The following CSMD2 variants were observed in gnomAD, a reference collection of about 807,000 sequenced individuals.
CSMD2 encodes CUB and sushi domain-containing protein 2.
CSMD2 carries 130 observed loss-of-function variants against 398.5 expected under a neutral mutation model. The observed-to-expected ratio is 0.33, with a 90% CI of 0.28 to 0.38. The LOEUF (loss-of-function observed/expected upper bound fraction) is 0.38. CSMD2 is among the 10% of genes least tolerant of loss of function. The pLI is 1.00. For synonymous variants in CSMD2, 1,828 were observed against 1,908.5 expected (o/e 0.96, Z 1.10); for missense variants, 3,829 against 4,764.9 (o/e 0.80, Z 5.78).
intron 22 of CSMD2, among the ~76,000 whole-genome samples, chr1:33,701,784 A>ATTT (rs1217670227): frequency 3.4e-4 from 52 of 152,384 alleles, no homozygotes; most frequent in Middle Eastern, 3.4e-3. Context: ...AAGTTCAAAG[A>ATTT]GTTTAGCTTA....
intron 1 of CSMD2, among the ~76,000 whole-genome samples, chr1:34,114,614 A>G (rs1571166706): frequency 6.6e-6 from 1 of 152,240 alleles, no homozygotes; most frequent in East Asian, 1.9e-4. Flanking sequence ...CAGGAGGATC[A>G]CTTAGGCCCA....
At chr1:34,111,716 C>A (rs954910657) in intron 1 of CSMD2, among the ~76,000 whole-genome samples, 1 of 152,194 alleles carries the variant, frequency 6.6e-6, no homozygotes, top group African/African-American at 2.4e-5. Flanking sequence ...ACACAGGATT[C>A]TCTGACTCCT....
At chr1:33,663,825 A>AT (rs201057859) in intron 25 of CSMD2, among the ~76,000 whole-genome samples, 4,415 of 152,236 alleles carry the variant, frequency 0.029, 208 homozygotes, top group African/African-American at 0.095. Context: ...CTGTTAATTA[A>AT]TTTTTTTTAT....
chr1:33,520,008 G>A, intron 68 of CSMD2, 58 bp from the exon 69 acceptor site: 2 of 1,597,230 alleles, frequency 1.3e-6, no homozygotes, highest in South Asian at 1.1e-5. Context: ...GGCTCCGTTG[G>A]CTACCCTCCC....
chr1:34,073,915 C>T (rs753065397), intron 2 of CSMD2, among the ~76,000 whole-genome samples: 6 of 152,130 alleles, frequency 3.9e-5, no homozygotes, highest in Non-Finnish European at 5.9e-5. Context: ...CCTGGGGAGG[C>T]CTCAGGAAAC....
intron 2 of CSMD2, among the ~76,000 whole-genome samples, chr1:34,041,942 C>T (rs1651894670): frequency 1.3e-5 from 2 of 152,200 alleles, no homozygotes; most frequent in East Asian, 1.9e-4. Context: ...CAAATATTTA[C>T]TGAGTGGCAA....
Position 33,716,455 on chromosome 1 carries a change from G to C in CSMD2, c.3048C>G (p.Asp1016Glu), listed in dbSNP as rs554464438. 1 of 1,613,996 alleles carries C rather than the reference G, an allele frequency of 6.2e-7. No individual in the cohort carries two copies. Among genetic ancestry groups the C allele is most frequent in the Non-Finnish European group, 8.5e-7 (1 of 1,180,022 alleles). Residue 1016 changes from aspartate (D) to glutamate (E), a missense_variant, in exon 20 of 71, where the codon GAC becomes GAG. By Grantham distance (45) the Asp-to-Glu change is conservative. Coordinates refer to ENST00000373381, the MANE Select transcript of CSMD2 (RefSeq NM_001281956.2). ...TGCCGTTCTCAGTGATGAGGAGGTA[G>C]TCATGGCCACTTTCCAGGTGGAAGG... ...FHTFHLESGH[D>E]YLLITENGSF...
intron 3 of CSMD2, among the ~76,000 whole-genome samples, chr1:33,942,660 A>G (rs913907704): frequency 1.3e-5 from 2 of 152,260 alleles, no homozygotes; most frequent in African/African-American, 4.8e-5. Flanking sequence ...CTGCTGAATC[A>G]TAACGTGAGA....
At chr1:33,827,188 C>T (rs1658927366) in intron 6 of CSMD2, among the ~76,000 whole-genome samples, 1 of 152,174 alleles carries the variant, frequency 6.6e-6, no homozygotes, top group Admixed American at 6.5e-5. Context: ...CCAGAGGGAT[C>T]CTATTAAAAC....
In CSMD2 at chr1:33,519,980, T is replaced by C. The variant is rs768982235; in HGVS notation, c.10598-30A>G. The C allele has an allele frequency of 3.1e-6, 5 of 1,612,182 alleles. No individual in the cohort carries two copies. In the East Asian group the frequency reaches 1.1e-4, roughly 36 times the overall value. ...AAAGTCCCAAAGCAGAAAAGTCAAG[T>C]CACGAGACACAGTCTGAGGCTCCGT... On this transcript the variant is annotated intron_variant, in intron 68 of 70. Coordinates refer to ENST00000373381, the MANE Select transcript of CSMD2 (RefSeq NM_001281956.2). This position sits in a 1 kb window ranked among gnomAD's most constrained non-coding sequence, Gnocchi z 5.6.
chr1:33,797,601 G>A (rs1273932624), intron 10 of CSMD2, among the ~76,000 whole-genome samples: 1 of 152,192 alleles, frequency 6.6e-6, no homozygotes, highest in Non-Finnish European at 1.5e-5. Context: ...AAGGTCACAG[G>A]CCCACAAGGT....
chr1:33,597,891 T>A (rs7547441), intron 44 of CSMD2, among the ~76,000 whole-genome samples: 1 of 152,252 alleles, frequency 6.6e-6, no homozygotes, highest in Non-Finnish European at 1.5e-5. Flanking sequence ...CATACAGCAT[T>A]GAAAAATGAG....
At chr1:33,538,816 G>T (rs2148586078) in intron 60 of CSMD2, among the ~76,000 whole-genome samples, 1 of 152,326 alleles carries the variant, frequency 6.6e-6, no homozygotes, top group Non-Finnish European at 1.5e-5. Flanking sequence ...ATTGATGAGG[G>T]TGTGCATCCA....
In CSMD2 at chr1:34,163,787, T is replaced by A. The variant is rs1052051112; in HGVS notation, c.187+1124A>T. 3.9e-5 allele frequency among the ~76,000 whole-genome samples: 6 copies of A among 152,080 alleles called. No homozygotes were observed. Among genetic ancestry groups the A allele is most frequent in the Admixed American group, 1.3e-4 (2 of 15,266 alleles). On this transcript the variant is annotated intron_variant, in intron 1 of 70. Transcript: ENST00000373381. The surrounding 1 kb of genome is among the most constrained non-coding windows in gnomAD (Gnocchi z 5.4). ...CCTCGCGGGCTAAATGAAAATGCGG[T>A]TCCAGGCATCCCGGTTTGGACCCGT... is the stretch of plus-strand genomic sequence containing the variant.
chr1:33,521,344 G>C, intron 68 of CSMD2, 119 bp downstream of exon 68: 1 of 720,672 alleles, frequency 1.4e-6, no homozygotes, highest in South Asian at 1.6e-5. Flanking sequence ...ATCCCAAAGA[G>C]GCCAAAGCAC....
intron 11 of CSMD2, among the ~76,000 whole-genome samples, chr1:33,789,723 C>T (rs76195960): frequency 6.6e-5 from 10 of 152,140 alleles, no homozygotes; most frequent in African/African-American, 1.9e-4. Context: ...AAGTGGAGCT[C>T]GGATAGAGCA....
intron 1 of CSMD2, among the ~76,000 whole-genome samples, chr1:34,090,378 C>T (rs566532999): frequency 8.5e-5 from 13 of 152,262 alleles, no homozygotes; most frequent in South Asian, 4.1e-4. Flanking sequence ...TTTCAGTCTC[C>T]GTGCCAAGGC....
chr1:33,608,558 A>G (rs1446671564), intron 41 of CSMD2, among the ~76,000 whole-genome samples: 2 of 152,188 alleles, frequency 1.3e-5, no homozygotes, highest in African/African-American at 4.8e-5. Flanking sequence ...ATCTTTACCA[A>G]ACTTATGGAA....
rs1449509648 is a variant in CSMD2 at position 33,658,022 on chromosome 1, C to T, written c.4371G>A (p.Leu1457=). Residue 1457 remains leucine, a synonymous_variant, in exon 27 of 71, where the codon CTG becomes CTA. Transcript: ENST00000373381. ...TVFQCDPGYA[L]QGSAEISCVK... ...CACAGCTGATCTCTGCACTTCCCTGCAGCGCGTAGCCAGGGTCACACTGGA... is the reference window on the plus strand; with the variant it reads ...CACAGCTGATCTCTGCACTTCCCTGTAGCGCGTAGCCAGGGTCACACTGGA... 1 of 1,614,210 alleles carries T rather than the reference C, an allele frequency of 6.2e-7. No individual in the cohort carries two copies. The highest frequency in any genetic ancestry group is 1.6e-4 in the Middle Eastern group (1 of 6,062).
Sources: allele counts gnomAD v4.1 joint callset (sites outside exome capture counted in the v4.1 genomes callset), GRCh38; gene constraint gnomAD v4.1.1; non-coding constraint Gnocchi (gnomAD v3.1); transcripts MANE v1.5; gene names NCBI Gene and HGNC (gene_info 2026-07-23, HGNC 2026-07-21).